Variants in TET2 observed in about 807,000 individuals in gnomAD.
TET2 encodes the protein methylcytosine dioxygenase TET2.
TET2 carries 299 observed loss-of-function variants against 142.9 expected under a neutral mutation model. The ratio of observed to expected loss-of-function variants is 2.09; its 90% CI spans 1.90 to 2.30. The LOEUF is 2.30. TET2 is among the 30% of genes most tolerant of loss of function. The pLI is 0.00. For missense variants in TET2, 2,418 were observed against 2,378.0 expected (o/e 1.02, Z -0.35); for synonymous variants, 819 against 849.0 (o/e 0.96, Z 0.61).
At chr4:105,252,768 A>G (rs1431702598) in intron 6 of TET2, among the ~76,000 whole-genome samples, 20 of 152,170 alleles carry the variant, frequency 1.3e-4, no homozygotes, top group Admixed American at 1.3e-3. Flanking sequence ...ATAGTTCTGC[A>G]TTTTACATTT....
chr4:105,160,280 A>C (rs1463134798), intron 1 of TET2, among the ~76,000 whole-genome samples: 1 of 152,198 alleles, frequency 6.6e-6, no homozygotes, highest in Non-Finnish European at 1.5e-5. Flanking sequence ...TCCTATCCCA[A>C]ATTGATTTTT....
intron 6 of TET2, among the ~76,000 whole-genome samples, chr4:105,250,538 G>A (rs1231566225): frequency 6.6e-6 from 1 of 150,774 alleles, no homozygotes; most frequent in Non-Finnish European, 1.5e-5. Flanking sequence ...ACCCCCTTCT[G>A]GGACTTTGAC....
chr4:105,168,978 A>G (rs553536303), intron 1 of TET2, among the ~76,000 whole-genome samples: 8 of 152,324 alleles, frequency 5.3e-5, no homozygotes, highest in African/African-American at 1.7e-4. Context: ...TTCTTTAACT[A>G]CTCACCGATT....
intron 1 of TET2, among the ~76,000 whole-genome samples, chr4:105,179,522 C>G (rs1724996512): frequency 1.3e-5 from 2 of 152,140 alleles, no homozygotes; most frequent in South Asian, 4.1e-4. Flanking sequence ...TCAAACTATT[C>G]AAGATAAAAA....
Position 105,147,342 on chromosome 4 carries a change from A to G in TET2, c.-193+363A>G, listed in dbSNP as rs114124026. The stretch of plus-strand genomic sequence containing the variant: ...TCTAAAATAGTTCAGCTTTGGGGGC[A>G]CTACTTTTCCCTTTAATCCTCTTCC... On this transcript the variant is annotated intron_variant, in intron 1 of 10. Transcript: ENST00000380013. 7.6e-3 allele frequency: 1,157 copies of G among 152,374 alleles called. 6 individuals are homozygous for G. Among genetic ancestry groups the G allele is most frequent in the Non-Finnish European group, 0.012 (826 of 68,050 alleles). The allele number at this position is 152,374 out of a possible 1,614,324, so 9.4% of individuals were successfully genotyped here. A position where few individuals can be genotyped will look rare whatever the true frequency, so the allele number is the denominator to read the frequency against.
rs2110236289 is a variant in TET2 at position 105,236,877 on chromosome 4, A to G, written c.2935A>G (p.Arg979Gly). The change falls in exon 3 of 11, where the codon AGG becomes GGG. Residue 979 changes from arginine to glycine, a missense_variant. Physicochemically the swap from Arg to Gly is moderately radical, Grantham distance 125 (BLOSUM62 -2). Coordinates refer to ENST00000380013, the MANE Select transcript of TET2 (RefSeq NM_001127208.3). ...QTESCHSQMH[R>G]PIKVEPGCKP... Reference sequence around the variant, plus strand: ...TGAGTCTTGCCATAGTCAGATGCACAGGCCAATTAAGGTGGAACCTGGATG... The same window carrying G: ...TGAGTCTTGCCATAGTCAGATGCACGGGCCAATTAAGGTGGAACCTGGATG... 6.2e-7 allele frequency: 1 copy of G among 1,614,162 alleles called. No homozygotes were observed. Among genetic ancestry groups the G allele is most frequent in the Non-Finnish European group, 8.5e-7 (1 of 1,180,020 alleles).
In TET2 at chr4:105,278,920, G is replaced by A. The variant is rs1731338170; in HGVS notation, c.*2401G>A. The stretch of plus-strand genomic sequence containing the variant: ...AAACAGGCAAACACCTACAGGTATG[G>A]TGTGCAACAGATTGTACAATTACAT... On this transcript the variant is annotated 3_prime_UTR_variant, in exon 11 of 11. Transcript: ENST00000380013. 4.3e-6 allele frequency: 1 copy of A among 232,880 alleles called. No individual in the cohort carries two copies. Among genetic ancestry groups the A allele is most frequent in the Non-Finnish European group, 8.5e-6 (1 of 117,858 alleles). The allele number at this position is 232,880 out of a possible 1,614,324, so 14.4% of individuals were successfully genotyped here. A position where few individuals can be genotyped will look rare whatever the true frequency, so the allele number is the denominator to read the frequency against.
rs1210212887 is a variant in TET2, at chr4:105,259,299, G to GT, written c.3804-319dup. ...GAAGTTACTGTTAGGGAGACAGACAGTGAGTGACTGAAAGGCAAAATGAGG... is the reference window on the plus strand; with the variant it reads ...GAAGTTACTGTTAGGGAGACAGACAGTTGAGTGACTGAAAGGCAAAATGAGG... On this transcript the variant is annotated intron_variant, in intron 6 of 10. Coordinates refer to ENST00000380013, the MANE Select transcript of TET2 (RefSeq NM_001127208.3). 3.9e-5 allele frequency among the ~76,000 whole-genome samples: 6 copies of GT among 152,282 alleles called. No individual in the cohort carries two copies. In the East Asian group the frequency reaches 1.2e-3, roughly 29 times the overall value.
At position 105,276,348 on chromosome 4, in the gene TET2, C is replaced by CA; in HGVS notation, c.5844dup (p.Val1949SerfsTer7). ...ACTATGTGCCTCAGAAATCCCATGG[C>CA]AAAAAAGTGAAACGGGAGCCTGCTG... On this transcript the variant is annotated frameshift_variant, in exon 11 of 11. Coordinates refer to ENST00000380013, the MANE Select transcript of TET2 (RefSeq NM_001127208.3). LOFTEE classifies it high-confidence loss of function. 3.2e-6 allele frequency: 5 copies of CA among 1,551,646 alleles called. No homozygotes were observed. The highest frequency in any genetic ancestry group is 4.4e-6 in the Non-Finnish European group (5 of 1,146,966).
intron 1 of TET2, among the ~76,000 whole-genome samples, chr4:105,181,503 TCAA>T (rs982897021): frequency 6.6e-6 from 1 of 152,202 alleles, no homozygotes; most frequent in South Asian, 2.1e-4. Flanking sequence ...CACAGGACAA[TCAA>T]CAACAAATTC....
chr4:105,166,824 T>C (rs1438252142), intron 1 of TET2, among the ~76,000 whole-genome samples: 5 of 152,106 alleles, frequency 3.3e-5, no homozygotes, highest in African/African-American at 1.2e-4. Flanking sequence ...GATGCCAGTC[T>C]GATTCTGTCT....
At chr4:105,174,947 GA>G (rs1161101272) in intron 1 of TET2, among the ~76,000 whole-genome samples, 4 of 152,144 alleles carry the variant, frequency 2.6e-5, no homozygotes, top group African/African-American at 9.7e-5. Context: ...ATAGGGAAAG[GA>G]AAATATATAA....
At position 105,239,081 on chromosome 4, in the gene TET2, T is replaced by TGTTTTTTTTTG. The variant is rs1553914846; in HGVS notation, c.3409+1730_3409+1731insGTTTTTTTTTG. The TGTTTTTTTTTG allele has an allele frequency of 7.5e-5, 17 of 226,114 alleles. No individual in the cohort carries two copies. In the South Asian group the frequency reaches 1.2e-3, roughly 16 times the overall value. The allele number at this position is 226,114 out of a possible 1,614,324, so 14.0% of individuals were successfully genotyped here. Reference sequence around the variant, plus strand: ...GTTTTGGTTTTGTTTTTTGTTTTTTTTTTTTGTTTTTTAGCAGTAAGTCTC... The same window carrying TGTTTTTTTTTG: ...GTTTTGGTTTTGTTTTTTGTTTTTTTGTTTTTTTTTGTTTTTGTTTTTTAGCAGTAAGTCTC... On this transcript the variant is annotated intron_variant, in intron 3 of 10. Transcript: ENST00000380013.
intron 6 of TET2, among the ~76,000 whole-genome samples, chr4:105,251,533 T>TTGATTCATTTTTATACATTAGATTA (rs1407234341): frequency 6.6e-6 from 1 of 152,220 alleles, no homozygotes; most frequent in African/African-American, 2.4e-5. Flanking sequence ...GTATATTATA[T>TTGATTCATTTTTATACATTAGATTA]TGATTCATTT....
At chr4:105,255,921 G>GATGTTATGTT (rs57389123) in intron 6 of TET2, among the ~76,000 whole-genome samples, 1 of 151,020 alleles carries the variant, frequency 6.6e-6, no homozygotes, top group South Asian at 2.1e-4. Flanking sequence ...TAAATTTTTT[G>GATGTTATGTT]ATGTTCTTAA....
chr4:105,185,055 ATC>A (rs1328179479), intron 1 of TET2, among the ~76,000 whole-genome samples: 1 of 152,224 alleles, frequency 6.6e-6, no homozygotes, highest in Admixed American at 6.5e-5. Flanking sequence ...TGGTGGATCT[ATC>A]TCTTGAAAGG....
intron 2 of TET2, among the ~76,000 whole-genome samples, chr4:105,228,239 C>T (rs1309061541): frequency 6.6e-6 from 1 of 151,992 alleles, no homozygotes; most frequent in East Asian, 1.9e-4. Context: ...TTTAAATTTC[C>T]TGAAATAAGA....
intron 2 of TET2, among the ~76,000 whole-genome samples, chr4:105,229,459 C>T (rs767590281): frequency 2.6e-5 from 4 of 151,920 alleles, no homozygotes; most frequent in South Asian, 2.1e-4. Flanking sequence ...TACAGGCATG[C>T]GCCACCATGC....
chr4:105,247,233 T>C (rs746624650), intron 6 of TET2, among the ~76,000 whole-genome samples: 15 of 152,228 alleles, frequency 9.9e-5, no homozygotes, highest in Admixed American at 2.6e-4. Flanking sequence ...GACAGATAAC[T>C]TACCATCTTA....
Sources: allele counts gnomAD v4.1 joint callset (sites outside exome capture counted in the v4.1 genomes callset), GRCh38; gene constraint gnomAD v4.1.1; transcripts MANE v1.5; gene names NCBI Gene and HGNC (gene_info 2026-07-23, HGNC 2026-07-21).